MID1: variants seen among roughly 807,000 people sequenced by gnomAD.
The protein encoded by MID1 is midline 1.
Under a neutral mutation model 40.4 loss-of-function variants are expected in MID1, and 7 were observed. That is an observed-to-expected ratio of 0.17 (90% CI 0.10 to 0.33). The LOEUF (loss-of-function observed/expected upper bound fraction) is 0.33. Ranked by LOEUF, MID1 falls within the 10% of genes least tolerant of loss-of-function variation. MID1 has a pLI of 1.00. For missense variants in MID1, 367 were observed against 558.5 expected (o/e 0.66, Z 3.46); for synonymous variants, 229 against 221.2 (o/e 1.04, Z -0.31).
chrX:10,638,092 T>C (rs1936141085), intron 1 of MID1, among the ~76,000 whole-genome samples: 2 of 112,088 alleles, frequency 1.8e-5, no homozygotes, highest in African/African-American at 6.5e-5. Flanking sequence ...TCATCCAAGA[T>C]GGCTGAATAG....
At chrX:10,819,202 C>A (rs927759314) in intron 1 of MID1, among the ~76,000 whole-genome samples, 8 of 108,212 alleles carry the variant, frequency 7.4e-5, no homozygotes, top group Non-Finnish European at 1.5e-4. Flanking sequence ...TGTGCACATG[C>A]GTGAGAAAGA....
rs995105971 is a variant in MID1, at chrX:10,531,308, G to A, written c.661-8121C>T. 9.8e-5 allele frequency among the ~76,000 whole-genome samples: 11 copies of A among 112,257 alleles called. No individual in the cohort carries two copies. In the East Asian group the frequency reaches 2.5e-3, roughly 26 times the overall value. On this transcript the variant is annotated intron_variant, in intron 2 of 9. Coordinates refer to ENST00000317552, the MANE Select transcript of MID1 (RefSeq NM_000381.4). ...AGATGTTTTAATTGCACTGCAGGAGGCTGAGACTATCTTCAGGTTTGACTC... is the reference window on the plus strand; with the variant it reads ...AGATGTTTTAATTGCACTGCAGGAGACTGAGACTATCTTCAGGTTTGACTC...
At chrX:10,812,465 C>A (rs1037815585) in intron 1 of MID1, among the ~76,000 whole-genome samples, 1 of 111,391 alleles carries the variant, frequency 9.0e-6, no homozygotes, top group African/African-American at 3.3e-5. Flanking sequence ...AAAAAGTATT[C>A]ATCACTTTTC....
chrX:10,502,607 C>A (rs1931612615), intron 3 of MID1, among the ~76,000 whole-genome samples: 1 of 111,620 alleles, frequency 9.0e-6, no homozygotes, highest in African/African-American at 3.3e-5. Flanking sequence ...AACTGTGAAC[C>A]CTTTAGTTTA....
chrX:10,824,332 C>G (rs1345047727), intron 1 of MID1, among the ~76,000 whole-genome samples: 1 of 112,197 alleles, frequency 8.9e-6, no homozygotes, highest in Non-Finnish European at 1.9e-5. Flanking sequence ...GATATGTTTT[C>G]TCTTTGCTGG....
At chrX:10,728,346 C>A (rs747602680) in intron 1 of MID1, among the ~76,000 whole-genome samples, 53 of 111,621 alleles carry the variant, frequency 4.7e-4, no homozygotes, top group African/African-American at 1.6e-3. Flanking sequence ...TCTCTTCCCC[C>A]TCCTTCCACA....
At chrX:10,635,498 C>T (rs915376630) in intron 1 of MID1, among the ~76,000 whole-genome samples, 1 of 111,732 alleles carries the variant, frequency 8.9e-6, no homozygotes, top group East Asian at 2.8e-4. Flanking sequence ...TATTCATTTT[C>T]CTTGCAACTC....
Position 10,533,391 on chromosome X carries a change from AAAAGAAAGAAAG to A in MID1, c.661-10216_661-10205del, listed in dbSNP as rs748385663. ...AAGAAAGAAAGAAAAAGAAAGAAAG[AAAAGAAAGAAAG>A]AAAGAAAGAAAGAAAGAAAGAAAGA... On this transcript the variant is annotated intron_variant, in intron 2 of 9. Coordinates refer to ENST00000317552, the MANE Select transcript of MID1 (RefSeq NM_000381.4). Among the ~76,000 whole-genome samples, 184 of 55,049 alleles carry A rather than the reference AAAAGAAAGAAAG, an allele frequency of 3.3e-3. 1 individual carries two copies. Among genetic ancestry groups the A allele is most frequent in the South Asian group, 0.016 (12 of 773 alleles). 47.8% of individuals were successfully genotyped at this position (55,049 alleles called of 115,157 possible). A position where few individuals can be genotyped will look rare whatever the true frequency, so the allele number is the denominator to read the frequency against.
At chrX:10,610,067 A>G (rs1935709794) in intron 1 of MID1, among the ~76,000 whole-genome samples, 1 of 111,969 alleles carries the variant, frequency 8.9e-6, no homozygotes, top group East Asian at 2.8e-4. Context: ...TGCACAAGAA[A>G]TGCAAATAGA....
At chrX:10,481,262 G>C (rs753101431) in intron 5 of MID1, among the ~76,000 whole-genome samples, 167 of 111,672 alleles carry the variant, frequency 1.5e-3, no homozygotes, top group Non-Finnish European at 2.1e-3. Flanking sequence ...ATGAAGATCA[G>C]CATGCATGAG....
At chrX:10,715,122 C>T (rs1272592293) in intron 1 of MID1, among the ~76,000 whole-genome samples, 5 of 112,130 alleles carry the variant, frequency 4.5e-5, no homozygotes, top group Non-Finnish European at 7.5e-5. Context: ...GCATGAGCAA[C>T]GCAGAAGACG....
chrX:10,452,681 T>C (rs1270400369), intron 9 of MID1, among the ~76,000 whole-genome samples: 3 of 112,341 alleles, frequency 2.7e-5, no homozygotes, highest in African/African-American at 9.7e-5. Flanking sequence ...GTAAAGTGAC[T>C]TTCTACATGA....
intron 1 of MID1, among the ~76,000 whole-genome samples, chrX:10,759,651 C>T (rs2043662024): frequency 9.1e-6 from 1 of 110,363 alleles, no homozygotes; most frequent in South Asian, 3.9e-4. Context: ...TCCGCCACTC[C>T]CCCAACCCCA....
At chrX:10,683,597 C>T (rs2043073703) in intron 1 of MID1, among the ~76,000 whole-genome samples, 1 of 109,052 alleles carries the variant, frequency 9.2e-6, no homozygotes, top group Non-Finnish European at 1.9e-5. Flanking sequence ...CTTTGGTCCT[C>T]CTCTTTGGAT....
At chrX:10,525,475 G>T (rs771808490) in intron 2 of MID1, among the ~76,000 whole-genome samples, 1 of 111,988 alleles carries the variant, frequency 8.9e-6, no homozygotes, top group South Asian at 3.7e-4. Flanking sequence ...TTGAGAAAAG[G>T]CAATTCTGTA....
chrX:10,669,878 A>C (rs1364266073), intron 1 of MID1, among the ~76,000 whole-genome samples: 3 of 112,156 alleles, frequency 2.7e-5, no homozygotes, highest in African/African-American at 9.7e-5. Context: ...AGATATACCT[A>C]CCATTGGTCA....
chrX:10,646,692 T>C (rs1936265425), intron 1 of MID1, among the ~76,000 whole-genome samples: 1 of 111,640 alleles, frequency 9.0e-6, no homozygotes, highest in Admixed American at 9.6e-5. Context: ...TAATAATGGT[T>C]AGGGGGAAAA....
intron 1 of MID1, among the ~76,000 whole-genome samples, chrX:10,701,891 C>G (rs191887653): frequency 6.2e-5 from 7 of 112,461 alleles, no homozygotes; most frequent in Admixed American, 3.8e-4. Context: ...TGGTTGCAAT[C>G]AAGTCATTTT....
chrX:10,471,061 C>T (rs1929680171), intron 6 of MID1, among the ~76,000 whole-genome samples: 1 of 111,841 alleles, frequency 8.9e-6, no homozygotes, highest in Non-Finnish European at 1.9e-5. Flanking sequence ...AAAGTGTCTA[C>T]TATCTGGTGG....
Sources: gnomAD v4.1 joint callset for allele counts (sites outside exome capture counted in the v4.1 genomes callset) on GRCh38, gnomAD v4.1.1 for gene constraint, MANE v1.5 for transcripts, NCBI Gene and HGNC (gene_info 2026-07-23, HGNC 2026-07-21) for gene names.